Variants in NAALADL2 observed in about 807,000 individuals in gnomAD.
NAALADL2 encodes inactive N-acetylated-alpha-linked acidic dipeptidase-like protein 2.
A neutral mutation model predicts 87.2 loss-of-function variants in NAALADL2; 76 were observed. The observed-to-expected ratio is 0.87, with a 90% CI of 0.72 to 1.05. The LOEUF is 1.05. Ranked by LOEUF, NAALADL2 falls within the 50% of genes least tolerant of loss-of-function variation. The pLI is 0.00. For missense variants in NAALADL2, 1,089 were observed against 945.8 expected, an observed-to-expected ratio of 1.15 and a Z score of -1.99; for synonymous variants, 354 against 331.0, an observed-to-expected ratio of 1.07 and a Z score of -0.75.
At chr3:174,837,195 G>A (rs1723431287) in intron 3 of NAALADL2, among the ~76,000 whole-genome samples, 1 of 152,086 alleles carries the variant, frequency 6.6e-6, no homozygotes, top group Admixed American at 6.6e-5. Flanking sequence ...AAAGAGAAAT[G>A]AAAGAAAAAG....
chr3:174,496,116 A>C (rs1649595099), intron 1 of NAALADL2, among the ~76,000 whole-genome samples: 1 of 152,138 alleles, frequency 6.6e-6, no homozygotes, highest in African/African-American at 2.4e-5. Context: ...GCTAGTGAAC[A>C]GTCAGTAGGG....
intron 10 of NAALADL2, among the ~76,000 whole-genome samples, chr3:175,624,202 T>C (rs915987117): frequency 6.6e-6 from 1 of 151,984 alleles, no homozygotes; most frequent in African/African-American, 2.4e-5. Flanking sequence ...GATCTTAGAA[T>C]TTGTGGGGCT....
chr3:174,731,956 G>C lies in NAALADL2; in HGVS notation c.-114-5685G>C, dbSNP rs192570757. ...GTGGGCCAAATGGTCTCAACTGATT[G>C]TTATAGCAGGAAAGCCACCATAAAC... is the stretch of plus-strand genomic sequence containing the variant. On this transcript the variant is annotated intron_variant, in intron 2 of 3. Transcript: ENST00000434257. Among the ~76,000 whole-genome samples the C allele has an allele frequency of 3.3e-4, 50 of 152,236 alleles. No homozygotes were observed. In the East Asian group the frequency reaches 9.7e-3, roughly 29 times the overall value.
chr3:174,480,492 C>A (rs1370505924), intron 1 of NAALADL2, among the ~76,000 whole-genome samples: 1 of 151,906 alleles, frequency 6.6e-6, no homozygotes, highest in Non-Finnish European at 1.5e-5. Context: ...TTTATAGAAG[C>A]TTTTATTTAA....
chr3:175,151,667 T>A (rs1027547774), intron 2 of NAALADL2, among the ~76,000 whole-genome samples: 2 of 152,068 alleles, frequency 1.3e-5, no homozygotes, highest in East Asian at 1.9e-4. Flanking sequence ...CAATAATGAT[T>A]TGACTACCCA....
chr3:175,463,049 TTC>T (rs1420626134), intron 6 of NAALADL2, among the ~76,000 whole-genome samples: 1 of 152,186 alleles, frequency 6.6e-6, no homozygotes, highest in Non-Finnish European at 1.5e-5. Flanking sequence ...ATCTATTTTT[TTC>T]TGTTTTTAAA....
At chr3:175,676,518 G>T (rs560088733) in intron 11 of NAALADL2, 1 of 152,110 alleles carries the variant, frequency 6.6e-6, no homozygotes, top group South Asian at 2.1e-4. Flanking sequence ...GTACAGAGTT[G>T]TTTTCTTCAT....
intron 2 of NAALADL2, chr3:175,124,718 A>G (rs1387685827): frequency 1.3e-5 from 2 of 152,074 alleles, no homozygotes; most frequent in South Asian, 2.1e-4. Context: ...TTAAATTATT[A>G]TCATACATGA....
intron 1 of NAALADL2, among the ~76,000 whole-genome samples, chr3:174,898,144 G>GA (rs1330796608): frequency 3.8e-5 from 2 of 52,602 alleles, no homozygotes; most frequent in Admixed American, 1.8e-4. Context: ...AAAAAAAAAA[G>GA]AAAAAAAGAA....
chr3:174,992,901 A>G (rs1223551554), intron 1 of NAALADL2, among the ~76,000 whole-genome samples: 4 of 152,264 alleles, frequency 2.6e-5, no homozygotes, highest in African/African-American at 9.6e-5. Context: ...ATGGAAATGT[A>G]GAGAAGCAGT....
rs113117192 is a variant in NAALADL2 at position 174,466,318 on chromosome 3, G to A, written c.-184+25286G>A. Among the ~76,000 whole-genome samples, 794 of 143,608 alleles carry A rather than the reference G, an allele frequency of 5.5e-3. 7 individuals carry two copies. The highest frequency in any genetic ancestry group is 0.045 in the East Asian group (200 of 4,418). 94.2% of individuals were successfully genotyped at this position (143,608 alleles called of 152,430 possible). A position where few individuals can be genotyped will look rare whatever the true frequency, so the allele number is the denominator to read the frequency against. On this transcript the variant is annotated intron_variant, in intron 1 of 3. Transcript: ENST00000434257. Reference sequence around the variant, plus strand: ...CTCATCAGCTATCCTTGATGCCAGTGTATTTTATGTGTGGCCCAAGACAAT... The same window carrying A: ...CTCATCAGCTATCCTTGATGCCAGTATATTTTATGTGTGGCCCAAGACAAT...
chr3:175,744,429 G>A (rs1233901560), intron 12 of NAALADL2, among the ~76,000 whole-genome samples: 1 of 152,278 alleles, frequency 6.6e-6, no homozygotes, highest in African/African-American at 2.4e-5. Context: ...AATTCCTTGG[G>A]TCTCCCTGTC....
At chr3:175,678,138 G>A (rs1413990584) in intron 11 of NAALADL2, among the ~76,000 whole-genome samples, 1 of 152,044 alleles carries the variant, frequency 6.6e-6, no homozygotes, top group African/African-American at 2.4e-5. Flanking sequence ...TTTTTGTTCT[G>A]TCTCTTAAAA....
At chr3:175,336,048 A>C (rs1761937066) in intron 5 of NAALADL2, among the ~76,000 whole-genome samples, 1 of 152,088 alleles carries the variant, frequency 6.6e-6, no homozygotes, top group African/African-American at 2.4e-5. Context: ...ATATACGTGC[A>C]TACCCCTCCA....
intron 4 of NAALADL2, among the ~76,000 whole-genome samples, chr3:175,299,251 G>T (rs1298943619): frequency 6.6e-6 from 1 of 151,980 alleles, no homozygotes. Context: ...TGGCTATATG[G>T]GCTCTTATTT....
At chr3:175,328,002 C>T (rs1760948532) in intron 5 of NAALADL2, among the ~76,000 whole-genome samples, 1 of 152,168 alleles carries the variant, frequency 6.6e-6, no homozygotes, top group African/African-American at 2.4e-5. Flanking sequence ...TATTACACAC[C>T]TGCAGTTTTG....
At chr3:175,381,913 G>A (rs1767832889) in intron 5 of NAALADL2, among the ~76,000 whole-genome samples, 1 of 152,146 alleles carries the variant, frequency 6.6e-6, no homozygotes, top group African/African-American at 2.4e-5. Context: ...AGTGTGATGA[G>A]ATTGCTCTTT....
At chr3:175,470,334 A>C (rs904744516) in intron 8 of NAALADL2, among the ~76,000 whole-genome samples, 7 of 152,074 alleles carry the variant, frequency 4.6e-5, no homozygotes, top group African/African-American at 1.7e-4. Context: ...ACATTTCAAA[A>C]TTGTTCAGTA....
chr3:174,830,824 T>G (rs544140110), intron 3 of NAALADL2, among the ~76,000 whole-genome samples: 2 of 152,282 alleles, frequency 1.3e-5, no homozygotes, highest in East Asian at 3.9e-4. Flanking sequence ...GTCCTTCACA[T>G]CCCTTGTAAG....
Sources: allele counts gnomAD v4.1 joint callset (sites outside exome capture counted in the v4.1 genomes callset), GRCh38; gene constraint gnomAD v4.1.1; transcripts MANE v1.5; gene names NCBI Gene and HGNC (gene_info 2026-07-23, HGNC 2026-07-21).